CCNJL: variants seen among roughly 807,000 people sequenced by gnomAD.
CCNJL encodes cyclin J like, also known as cyclin-J-like protein.
Under a neutral mutation model 33.4 loss-of-function variants are expected in CCNJL, and 33 were observed. That is an observed-to-expected ratio of 0.99 (90% CI 0.75 to 1.32). The LOEUF (loss-of-function observed/expected upper bound fraction) is 1.32. CCNJL is among the 40% of genes most tolerant of loss of function. The pLI is 0.00. For missense variants in CCNJL, 512 were observed against 499.7 expected, an observed-to-expected ratio of 1.02 and a Z score of -0.23; for synonymous variants, 227 against 220.9, an observed-to-expected ratio of 1.03 and a Z score of -0.24.
At chr5:160,302,802 ACT>A (rs1409303128) in intron 2 of CCNJL, among the ~76,000 whole-genome samples, 1 of 148,498 alleles carries the variant, frequency 6.7e-6, no homozygotes, top group East Asian at 1.9e-4. Context: ...ACACAGTGAG[ACT>A]CTGTCTCAAT....
chr5:160,259,780 G>A lies in CCNJL; in HGVS notation c.281-9C>T. On this transcript the variant is annotated splice_polypyrimidine_tract_variant and intron_variant, in intron 3 of 5. Transcript: ENST00000257536. ...CCGATCCTCGAACTTACCTGTCGGG[G>A]AGCAGGGGAAGCAGGGGTTACTGGA... The A allele has an allele frequency of 6.3e-7, 1 of 1,595,298 alleles. No homozygotes were observed. Among genetic ancestry groups the A allele is most frequent in the Non-Finnish European group, 8.6e-7 (1 of 1,169,284 alleles).
At chr5:160,306,706 T>C (rs13180487) in intron 2 of CCNJL, among the ~76,000 whole-genome samples, 24,940 of 152,212 alleles carry the variant, frequency 0.16, 2,208 homozygotes, top group Non-Finnish European at 0.19. Context: ...GAAGACTATG[T>C]GTAAAATGGG....
intron 2 of CCNJL, among the ~76,000 whole-genome samples, chr5:160,282,076 T>TA (rs1456210816): frequency 6.6e-6 from 1 of 152,360 alleles, no homozygotes; most frequent in Non-Finnish European, 1.5e-5. Context: ...AAAGCTCACT[T>TA]ATGGCAGGCT....
rs140204303 is a variant in CCNJL, at chr5:160,291,373, G to A, written c.67-10635C>T. ...GTGGGCCACAGTTTGGCGAAACATC[G>A]CATACTACATTGCTCCTTAAAGGAA... On this transcript the variant is annotated intron_variant, in intron 2 of 5. Transcript: ENST00000257536. Among the ~76,000 whole-genome samples, 443 of 152,224 alleles carry A rather than the reference G, an allele frequency of 2.9e-3. 6 individuals are homozygous for A. Among genetic ancestry groups the A allele is most frequent in the African/African-American group, 0.01 (423 of 41,528 alleles).
At chr5:160,299,631 T>C (rs562599724) in intron 2 of CCNJL, among the ~76,000 whole-genome samples, 3 of 151,630 alleles carry the variant, frequency 2.0e-5, no homozygotes, top group Admixed American at 2.0e-4. Flanking sequence ...AAAAAGCCCT[T>C]ATCTGGTAGT....
chr5:160,324,627 G>GTCTGTCTA (rs140137170), intron 1 of CCNJL, among the ~76,000 whole-genome samples: 18,546 of 151,640 alleles, frequency 0.12, 1,586 homozygotes, highest in African/African-American at 0.23. Flanking sequence ...AAAACTGTCT[G>GTCTGTCTA]TCTATCTATC....
chr5:160,252,875 A>G lies in CCNJL; in HGVS notation c.*503T>C, dbSNP rs1046493194. The G allele has an allele frequency of 6.5e-6, 1 of 153,444 alleles. No homozygotes were observed. The highest frequency in any genetic ancestry group is 2.4e-5 in the African/African-American group (1 of 41,518). The allele number at this position is 153,444 out of a possible 1,614,324, so 9.5% of individuals were successfully genotyped here. ...TGCCTCGCAAGGCAAACACTCAGGCATACACACCAACTCAGGCCCCTCTGC... is the reference window on the plus strand; with the variant it reads ...TGCCTCGCAAGGCAAACACTCAGGCGTACACACCAACTCAGGCCCCTCTGC... On this transcript the variant is annotated 3_prime_UTR_variant, in exon 6 of 6. Coordinates refer to ENST00000257536, the MANE Select transcript of CCNJL (RefSeq NM_001308173.3).
chr5:160,258,551 G>A (rs554719803), intron 4 of CCNJL: 8 of 1,521,430 alleles, frequency 5.3e-6, no homozygotes, highest in Admixed American at 3.4e-5. Context: ...GAGGTTATTC[G>A]GGAAAGAAAA....
At chr5:160,262,181 G>A (rs921914804) in intron 3 of CCNJL, among the ~76,000 whole-genome samples, 1 of 152,188 alleles carries the variant, frequency 6.6e-6, no homozygotes, top group African/African-American at 2.4e-5. Context: ...AGGAGGTGGC[G>A]AGGTGAAGGT....
intron 2 of CCNJL, among the ~76,000 whole-genome samples, chr5:160,300,030 G>A (rs1275007023): frequency 1.3e-5 from 2 of 152,034 alleles, no homozygotes; most frequent in Non-Finnish European, 2.9e-5. Flanking sequence ...CGATGCTTCT[G>A]TTCTGAATGA....
intron 3 of CCNJL, among the ~76,000 whole-genome samples, chr5:160,262,627 C>T (rs1470591112): frequency 2.0e-5 from 3 of 152,248 alleles, no homozygotes; most frequent in African/African-American, 7.2e-5. Context: ...CATGCACTTG[C>T]TCGTGGCAGG....
chr5:160,254,025 G>C, intron 5 of CCNJL: 4 of 474,274 alleles, frequency 8.4e-6, no homozygotes, highest in Non-Finnish European at 1.5e-5. Flanking sequence ...AATTTCTTCT[G>C]GCCCCTCCAG....
intron 1 of CCNJL, among the ~76,000 whole-genome samples, chr5:160,327,514 C>T (rs1763552347): frequency 6.6e-6 from 1 of 152,202 alleles, no homozygotes; most frequent in Non-Finnish European, 1.5e-5. Context: ...AAAGCCTTCT[C>T]CAATGCAGCG....
At chr5:160,285,796 G>C (rs1762383473) in intron 2 of CCNJL, among the ~76,000 whole-genome samples, 1 of 152,200 alleles carries the variant, frequency 6.6e-6, no homozygotes, top group East Asian at 1.9e-4. Flanking sequence ...CTACTCTGAG[G>C]GCAATAGAAA....
At chr5:160,289,771 A>C (rs779223730) in intron 2 of CCNJL, among the ~76,000 whole-genome samples, 44 of 152,324 alleles carry the variant, frequency 2.9e-4, no homozygotes, top group Non-Finnish European at 5.1e-4. Context: ...GATTCCAGGC[A>C]TGTGTCTGGT....
chr5:160,277,263 G>A (rs1762045996), intron 3 of CCNJL, among the ~76,000 whole-genome samples: 1 of 152,180 alleles, frequency 6.6e-6, no homozygotes, highest in Non-Finnish European at 1.5e-5. Flanking sequence ...TGTGTGTAAA[G>A]TGCCTGGCAT....
intron 2 of CCNJL, among the ~76,000 whole-genome samples, chr5:160,311,652 A>C (rs1022895566): frequency 7.2e-5 from 11 of 152,254 alleles, no homozygotes; most frequent in Middle Eastern, 3.4e-3. Context: ...CCTTATCAGA[A>C]AAACCAACTT....
At chr5:160,332,438 G>C (rs776959219) in intron 1 of CCNJL, among the ~76,000 whole-genome samples, 2 of 152,096 alleles carry the variant, frequency 1.3e-5, no homozygotes, top group Non-Finnish European at 2.9e-5. Flanking sequence ...TTCTTCCTTT[G>C]CCCAAAACCC....
upstream of CCNJL, among the ~76,000 whole-genome samples, chr5:160,316,631 T>C (rs183192643): frequency 3.2e-4 from 49 of 152,366 alleles, no homozygotes; most frequent in African/African-American, 1.1e-3. Context: ...GAGTCTTATG[T>C]TTCCTTCGGA....
Sources: allele counts gnomAD v4.1 joint callset (sites outside exome capture counted in the v4.1 genomes callset), GRCh38; gene constraint gnomAD v4.1.1; transcripts MANE v1.5; gene names NCBI Gene and HGNC (gene_info 2026-07-23, HGNC 2026-07-21).